RPS29: variants seen among roughly 807,000 people sequenced by gnomAD.
RPS29 encodes the protein small ribosomal subunit protein uS14.
For missense variants in RPS29, 60 were observed against 75.7 expected (o/e 0.79, Z 0.77); for synonymous variants, 37 against 26.9 (o/e 1.37, Z -1.16).
chr14:49,589,556 C>A (rs1881669306), upstream of RPS29, among the ~76,000 whole-genome samples: 1 of 152,182 alleles, frequency 6.6e-6, no homozygotes, highest in Non-Finnish European at 1.5e-5. Context: ...CATTTAAAAA[C>A]CTTCATCTTA....
rs549712232 is a variant in RPS29, at chr14:49,591,674, G to A, written c.-132-5196C>T. Among the ~76,000 whole-genome samples, 311 of 141,652 alleles carry A rather than the reference G, an allele frequency of 2.2e-3. 1 individual carries two copies. The highest frequency in any genetic ancestry group is 3.4e-3 in the Non-Finnish European group (226 of 66,158). The allele number at this position is 141,652 out of a possible 152,430, so 92.9% of individuals were successfully genotyped here. A position where few individuals can be genotyped will look rare whatever the true frequency, so the allele number is the denominator to read the frequency against. ...CTTGCTCTGTCAGCCAGGATGGAGT[G>A]CAGTGGCGTGATCTCGGCTCACTGC... On this transcript the variant is annotated intron_variant, in intron 1 of 3. Transcript: ENST00000556230.
chr14:49,579,117 G>T (rs1881268434), downstream of RPS29, among the ~76,000 whole-genome samples: 1 of 152,162 alleles, frequency 6.6e-6, no homozygotes, highest in Non-Finnish European at 1.5e-5. Flanking sequence ...AGGAGGTGGG[G>T]CATTTTGGAA....
chr14:49,585,613 C>G, intron 2 of RPS29: 1 of 416,458 alleles, frequency 2.4e-6, no homozygotes, highest in Admixed American at 4.0e-5. Context: ...TAGGTACTTA[C>G]AAGATTGATA....
At chr14:49,577,196 G>C (rs1881206176) in exon 3 of RPS29, 1 of 153,428 alleles carries the variant, frequency 6.5e-6, no homozygotes, top group African/African-American at 2.4e-5. Context: ...AGCTGAGCTT[G>C]CATCACTGCA....
At chr14:49,577,953 T>C (rs1881232165) in intron 2 of RPS29, 1 of 797,990 alleles carries the variant, frequency 1.3e-6, no homozygotes, top group East Asian at 2.7e-5. Flanking sequence ...AAACATGTTA[T>C]GTCACTATCA....
rs768868639 is a variant in RPS29, at chr14:49,574,237, G to C, written c.*3575C>G. ...GGCAATGGAGTCTCAGTCTACACGAGGGAGCTGTTTACACGGTCAGCATAA... is the reference window on the plus strand; with the variant it reads ...GGCAATGGAGTCTCAGTCTACACGACGGAGCTGTTTACACGGTCAGCATAA... On this transcript the variant is annotated 3_prime_UTR_variant, in exon 3 of 3. Coordinates refer to the RPS29 transcript ENST00000396020. The C allele has an allele frequency of 5.3e-5, 8 of 152,292 alleles. No homozygotes were observed. In the East Asian group the frequency reaches 7.7e-4, roughly 15 times the overall value. The allele number at this position is 152,292 out of a possible 1,614,324, so 9.4% of individuals were successfully genotyped here.
At chr14:49,586,166 C>CT (rs1424472438) in intron 1 of RPS29, 117 bp from the exon 2 acceptor site, 1 of 1,384,460 alleles carries the variant, frequency 7.2e-7, no homozygotes, top group East Asian at 2.3e-5. Context: ...GTAATGGCGG[C>CT]ACCAGCGACT....
chr14:49,594,709 C>T (rs1490671508), intron 1 of RPS29, among the ~76,000 whole-genome samples: 1 of 152,242 alleles, frequency 6.6e-6, no homozygotes, highest in Non-Finnish European at 1.5e-5. Flanking sequence ...CAAGAGATCA[C>T]TTCACATCCT....
intron 2 of RPS29, among the ~76,000 whole-genome samples, chr14:49,585,046 TAAG>T (rs1204049141): frequency 2.0e-5 from 3 of 152,018 alleles, no homozygotes; most frequent in African/African-American, 7.2e-5. Flanking sequence ...CCCCAAACTT[TAAG>T]TTCATTCCAG....
intron 1 of RPS29, chr14:49,598,205 T>G: frequency 3.6e-6 from 2 of 557,140 alleles, no homozygotes; most frequent in Non-Finnish European, 6.3e-6. Flanking sequence ...GAGCACAAAT[T>G]TTAAGGAGGC....
downstream of RPS29, among the ~76,000 whole-genome samples, chr14:49,582,938 GCA>G (rs888853794): frequency 4.5e-4 from 69 of 152,262 alleles, no homozygotes; most frequent in African/African-American, 1.5e-3. Context: ...ATACGCACAT[GCA>G]CACATTGACA....
At chr14:49,588,876 CT>C (rs577408713), upstream of RPS29, among the ~76,000 whole-genome samples, 149 of 92,484 alleles carry the variant, frequency 1.6e-3, no homozygotes, top group African/African-American at 4.5e-3. Context: ...TTTCTGAGTC[CT>C]TTTTTTTTTT....
chr14:49,574,820 G>A (rs1421548120), exon 3 of RPS29: 2 of 152,334 alleles, frequency 1.3e-5, no homozygotes, highest in African/African-American at 4.8e-5. Context: ...GAAGGCCTGA[G>A]CAAAGAACAG....
downstream of RPS29, among the ~76,000 whole-genome samples, chr14:49,578,883 TAC>T (rs1191927598): frequency 2.0e-5 from 3 of 152,166 alleles, no homozygotes; most frequent in Non-Finnish European, 4.4e-5. Flanking sequence ...GTTGAACATT[TAC>T]AGTTTAGTGG....
At chr14:49,595,789 G>T (rs1350776627) in intron 1 of RPS29, among the ~76,000 whole-genome samples, 3 of 152,158 alleles carry the variant, frequency 2.0e-5, no homozygotes, top group Non-Finnish European at 4.4e-5. Context: ...GGGGCGGGTG[G>T]ATCACCAGAG....
chr14:49,586,640 C>T (rs1044989732), upstream of RPS29: 2 of 434,580 alleles, frequency 4.6e-6, no homozygotes, highest in Non-Finnish European at 8.6e-6. Flanking sequence ...GCTGGAGGAT[C>T]GCTTGAGTCC....
At chr14:49,598,703 C>T (rs1191333225), upstream of RPS29, 3 of 699,796 alleles carry the variant, frequency 4.3e-6, no homozygotes. Context: ...AAACAACCAC[C>T]GCTGCCAGCT....
Position 49,594,539 on chromosome 14 carries a change from T to C in RPS29, c.-133+3861A>G, listed in dbSNP as rs534199631. Among the ~76,000 whole-genome samples the C allele has an allele frequency of 5.9e-5, 9 of 152,292 alleles. 1 individual carries two copies. The South Asian group carries it at 1.9e-3, about 32-fold the overall frequency. The stretch of plus-strand genomic sequence containing the variant: ...CTATAAGACATTCAAAGAGTGTCAC[T>C]GATGAAAGGCAGAACTTAGAGGAGT... On this transcript the variant is annotated intron_variant, in intron 1 of 3. Transcript: ENST00000556230.
intron 1 of RPS29, among the ~76,000 whole-genome samples, chr14:49,592,635 G>A (rs111743792): frequency 0.19 from 29,053 of 151,480 alleles, 3,044 homozygotes; most frequent in Admixed American, 0.28. Flanking sequence ...CTTGCCGGGC[G>A]CAGTGGCTCA....
Sources: gnomAD v4.1 joint callset for allele counts (sites outside exome capture counted in the v4.1 genomes callset) on GRCh38, gnomAD v4.1.1 for gene constraint, MANE v1.5 for transcripts, NCBI Gene and HGNC (gene_info 2026-07-23, HGNC 2026-07-21) for gene names.